ZNF804B: variants seen among roughly 807,000 people sequenced by gnomAD.
ZNF804B encodes the protein zinc finger 804B.
A neutral mutation model predicts 101.4 loss-of-function variants in ZNF804B; 80 were observed. That is an observed-to-expected ratio of 0.79 (90% CI 0.66 to 0.95). The LOEUF is 0.95. ZNF804B is among the 40% of genes least tolerant of loss of function. The pLI is 0.00. For synonymous variants in ZNF804B, 622 were observed against 558.8 expected (o/e 1.11, Z -1.59); for missense variants, 1,673 against 1,561.9 (o/e 1.07, Z -1.20).
intron 1 of ZNF804B, among the ~76,000 whole-genome samples, chr7:89,007,344 G>A (rs964723627): frequency 2.0e-5 from 3 of 149,108 alleles, no homozygotes; most frequent in Admixed American, 6.8e-5. Flanking sequence ...ATTTAATCCA[G>A]CTCACAAGGT....
chr7:88,784,118 A>G (rs1278397178), intron 1 of ZNF804B, among the ~76,000 whole-genome samples: 1 of 152,184 alleles, frequency 6.6e-6, no homozygotes, highest in Non-Finnish European at 1.5e-5. Context: ...CAAAAAAAGA[A>G]GTGACCTGGA....
chr7:89,287,216 G>T (rs1790213980), intron 2 of ZNF804B, among the ~76,000 whole-genome samples: 1 of 152,122 alleles, frequency 6.6e-6, no homozygotes, highest in Non-Finnish European at 1.5e-5. Context: ...TAGGCTATTA[G>T]TAGTTATGTT....
At chr7:89,172,580 ATTTC>A (rs1451211391) in intron 1 of ZNF804B, among the ~76,000 whole-genome samples, 1 of 152,160 alleles carries the variant, frequency 6.6e-6, no homozygotes, top group Non-Finnish European at 1.5e-5. Flanking sequence ...TAAACTAAAA[ATTTC>A]TTTCTGACAT....
rs552874513 is a variant in ZNF804B, at chr7:89,173,275, TATTA to T, written c.109-44876_109-44873del. Among the ~76,000 whole-genome samples, 3 of 152,200 alleles carry T rather than the reference TATTA, an allele frequency of 2.0e-5. No homozygotes were observed. The East Asian group carries it at 5.8e-4, about 29-fold the overall frequency. ...AATAAGTTCCTCTCTTCTCTGTATT[TATTA>T]ATTGTTATAGAGGTAGCTGTTTTTT... On this transcript the variant is annotated intron_variant, in intron 1 of 3. Coordinates refer to ENST00000333190, the MANE Select transcript of ZNF804B (RefSeq NM_181646.5).
chr7:88,930,534 A>G (rs969180864), intron 1 of ZNF804B, among the ~76,000 whole-genome samples: 2 of 151,916 alleles, frequency 1.3e-5, no homozygotes, highest in African/African-American at 4.8e-5. Context: ...ATATTTAAAA[A>G]CTGCTTCAAA....
At chr7:89,181,937 C>A (rs951129108) in intron 1 of ZNF804B, among the ~76,000 whole-genome samples, 1 of 152,112 alleles carries the variant, frequency 6.6e-6, no homozygotes, top group Admixed American at 6.5e-5. Context: ...TCCTAAGAGA[C>A]CCTTTATATA....
At chr7:89,195,462 C>T (rs1256168936) in intron 1 of ZNF804B, among the ~76,000 whole-genome samples, 3 of 144,830 alleles carry the variant, frequency 2.1e-5, no homozygotes, top group East Asian at 3.9e-4. Context: ...CCCAAAATCT[C>T]CTTAAGCTGA....
At chr7:88,868,352 C>G (rs1173230631) in intron 1 of ZNF804B, among the ~76,000 whole-genome samples, 2 of 152,032 alleles carry the variant, frequency 1.3e-5, no homozygotes, top group African/African-American at 4.8e-5. Flanking sequence ...AGAACAAGAA[C>G]CTGATGTTAG....
intron 1 of ZNF804B, among the ~76,000 whole-genome samples, chr7:89,080,994 G>A (rs184389678): frequency 5.4e-4 from 82 of 151,928 alleles, no homozygotes; most frequent in African/African-American, 1.8e-3. Context: ...AAATATTTTT[G>A]CTTGATATAT....
At chr7:88,818,753 G>T (rs1195116877) in intron 1 of ZNF804B, among the ~76,000 whole-genome samples, 1 of 152,216 alleles carries the variant, frequency 6.6e-6, no homozygotes, top group African/African-American at 2.4e-5. Context: ...TTAGAAGGCT[G>T]TGTGTTGCCT....
intron 1 of ZNF804B, among the ~76,000 whole-genome samples, chr7:88,806,027 C>T (rs796124856): frequency 6.6e-6 from 1 of 150,518 alleles, no homozygotes; most frequent in African/African-American, 2.4e-5. Flanking sequence ...AGTGGCTGAT[C>T]TAACTATGAG....
intron 1 of ZNF804B, among the ~76,000 whole-genome samples, chr7:89,022,035 T>C (rs1466804599): frequency 1.3e-5 from 2 of 152,162 alleles, no homozygotes; most frequent in East Asian, 1.9e-4. Context: ...CAGTGGGGGT[T>C]GGTGGAGTTT....
At chr7:89,165,778 A>G (rs1791132638) in intron 1 of ZNF804B, among the ~76,000 whole-genome samples, 1 of 152,118 alleles carries the variant, frequency 6.6e-6, no homozygotes, top group African/African-American at 2.4e-5. Flanking sequence ...ACTTGGTTCA[A>G]CTTTTCTTAG....
chr7:89,190,037 A>T (rs1051868198), intron 1 of ZNF804B, among the ~76,000 whole-genome samples: 2 of 152,174 alleles, frequency 1.3e-5, no homozygotes, highest in Non-Finnish European at 2.9e-5. Flanking sequence ...CAATATTAAC[A>T]GAAGTTTAAA....
intron 2 of ZNF804B, among the ~76,000 whole-genome samples, chr7:89,238,960 A>T (rs551984980): frequency 6.6e-6 from 1 of 152,146 alleles, no homozygotes; most frequent in Non-Finnish European, 1.5e-5. Context: ...CTTCAAGTCT[A>T]CCTTCTTGTA....
At chr7:89,227,713 G>C (rs1430945198) in intron 2 of ZNF804B, among the ~76,000 whole-genome samples, 2 of 152,122 alleles carry the variant, frequency 1.3e-5, no homozygotes, top group East Asian at 3.9e-4. Context: ...CTGAGAGAGA[G>C]AGAGTGTTCC....
At chr7:89,207,463 A>G (rs1788731307) in intron 1 of ZNF804B, among the ~76,000 whole-genome samples, 1 of 152,034 alleles carries the variant, frequency 6.6e-6, no homozygotes, top group Admixed American at 6.6e-5. Flanking sequence ...ACAGGAAAAA[A>G]CCCACCCCCA....
At position 89,103,066 on chromosome 7, in the gene ZNF804B, T is replaced by TG. The variant is rs1790084524; in HGVS notation, c.109-115089_109-115088insG. On this transcript the variant is annotated intron_variant, in intron 1 of 3. Coordinates refer to ENST00000333190, the MANE Select transcript of ZNF804B (RefSeq NM_181646.5). ...TGTGTCTGTTTTTTTTTTTTTTTTT[T>TG]TTTTTTTTTTTTTTTTTACCAATAC... Among the ~76,000 whole-genome samples, 3 of 140,582 alleles carry TG rather than the reference T, an allele frequency of 2.1e-5. 1 individual carries two copies. Among genetic ancestry groups the TG allele is most frequent in the African/African-American group, 7.9e-5 (3 of 38,014 alleles). 92.2% of individuals were successfully genotyped at this position (140,582 alleles called of 152,430 possible). A position where few individuals can be genotyped will look rare whatever the true frequency, so the allele number is the denominator to read the frequency against.
chr7:88,855,781 A>G (rs1791546681), intron 1 of ZNF804B, among the ~76,000 whole-genome samples: 1 of 152,166 alleles, frequency 6.6e-6, no homozygotes, highest in Non-Finnish European at 1.5e-5. Context: ...TAATTTTTGT[A>G]TAAGGTGCAA....
Sources: gnomAD v4.1 joint callset for allele counts (sites outside exome capture counted in the v4.1 genomes callset) on GRCh38, gnomAD v4.1.1 for gene constraint, MANE v1.5 for transcripts, NCBI Gene and HGNC (gene_info 2026-07-23, HGNC 2026-07-21) for gene names.